Variants in SEMA3A observed in about 807,000 individuals in gnomAD.
SEMA3A encodes the protein semaphorin 3A, also known as semaphorin-3A.
SEMA3A carries 29 observed loss-of-function variants against 97.9 expected under a neutral mutation model. That is an observed-to-expected ratio of 0.30 (90% confidence interval 0.22 to 0.40). The LOEUF is 0.40. SEMA3A is among the 10% of genes least tolerant of loss of function. The pLI is 1.00. For missense variants in SEMA3A, 763 were observed against 951.3 expected, an observed-to-expected ratio of 0.80 and a Z score of 2.60; for synonymous variants, 321 against 323.7, an observed-to-expected ratio of 0.99 and a Z score of 0.09.
intron 1 of SEMA3A, among the ~76,000 whole-genome samples, chr7:84,475,110 G>A (rs1024404535): frequency 2.0e-5 from 3 of 152,104 alleles, no homozygotes; most frequent in Non-Finnish European, 4.4e-5. Flanking sequence ...GGTCCCAGGA[G>A]TGCAGGGGCT....
intron 3 of SEMA3A, among the ~76,000 whole-genome samples, chr7:84,121,389 T>C (rs1456113415): frequency 6.9e-6 from 1 of 145,376 alleles, no homozygotes; most frequent in Admixed American, 7.0e-5. Flanking sequence ...GGCCCCAGTG[T>C]GTGATGTTTC....
At chr7:84,233,273 G>A (rs1799157226) in intron 3 of SEMA3A, among the ~76,000 whole-genome samples, 1 of 151,898 alleles carries the variant, frequency 6.6e-6, no homozygotes. Flanking sequence ...CTCTAGCAGA[G>A]CAGAAACACT....
chr7:84,030,812 A>G (rs543979223), intron 6 of SEMA3A, among the ~76,000 whole-genome samples: 5 of 152,144 alleles, frequency 3.3e-5, no homozygotes, highest in Non-Finnish European at 7.4e-5. Context: ...TGATCAGAAA[A>G]ACAATGATTT....
At chr7:84,005,875 G>A (rs1471107161) in intron 10 of SEMA3A, among the ~76,000 whole-genome samples, 1 of 152,102 alleles carries the variant, frequency 6.6e-6, no homozygotes, top group Non-Finnish European at 1.5e-5. Flanking sequence ...CTTGAACCTG[G>A]GAGGTGGAGG....
intron 1 of SEMA3A, among the ~76,000 whole-genome samples, chr7:84,403,353 G>C (rs1329277379): frequency 6.6e-6 from 1 of 152,228 alleles, no homozygotes. Flanking sequence ...TGGGGGAGGG[G>C]CACCTGCCAT....
At chr7:84,385,124 A>G (rs1215948789) in intron 1 of SEMA3A, among the ~76,000 whole-genome samples, 1 of 151,992 alleles carries the variant, frequency 6.6e-6, no homozygotes, top group Non-Finnish European at 1.5e-5. Context: ...GGGGGAACAG[A>G]CACAGAACAG....
At chr7:84,244,616 T>G (rs1241730400) in intron 3 of SEMA3A, among the ~76,000 whole-genome samples, 1 of 152,156 alleles carries the variant, frequency 6.6e-6, no homozygotes, top group Non-Finnish European at 1.5e-5. Context: ...ACGTGTGAAT[T>G]TAATCCTGTC....
chr7:84,151,854 A>G (rs1370704519), intron 1 of SEMA3A, among the ~76,000 whole-genome samples: 3 of 152,192 alleles, frequency 2.0e-5, no homozygotes, highest in African/African-American at 7.2e-5. Context: ...TACAAGAAAA[A>G]AACAACCCCA....
chr7:84,249,932 T>TA (rs1491125282), intron 3 of SEMA3A, among the ~76,000 whole-genome samples: 2 of 87,216 alleles, frequency 2.3e-5, no homozygotes, highest in Non-Finnish European at 4.8e-5. Flanking sequence ...TTGCATCCTG[T>TA]TTTTTTTTTT....
intron 1 of SEMA3A, among the ~76,000 whole-genome samples, chr7:84,388,301 C>A (rs1803452104): frequency 6.6e-6 from 1 of 151,948 alleles, no homozygotes; most frequent in African/African-American, 2.4e-5. Flanking sequence ...GTTAAGTAAC[C>A]ATAACCATAA....
chr7:84,214,066 T>C (rs1798690375), intron 3 of SEMA3A, among the ~76,000 whole-genome samples: 1 of 152,230 alleles, frequency 6.6e-6, no homozygotes, highest in Admixed American at 6.5e-5. Flanking sequence ...AACATTGCAA[T>C]TGATTTCATG....
At chr7:84,074,292 A>G (rs1793859041) in intron 4 of SEMA3A, among the ~76,000 whole-genome samples, 2 of 152,184 alleles carry the variant, frequency 1.3e-5, no homozygotes, top group Admixed American at 1.3e-4. Flanking sequence ...TCAAAAGAAT[A>G]TGAAAGCAAT....
Position 83,993,386 on chromosome 7 carries a change from A to G in SEMA3A, c.1453-7909T>C, listed in dbSNP as rs572748727. Among the ~76,000 whole-genome samples, 72 of 151,480 alleles carry G rather than the reference A, an allele frequency of 4.8e-4. 1 individual carries two copies. The highest frequency in any genetic ancestry group is 8.7e-4 in the Non-Finnish European group (59 of 67,964). On this transcript the variant is annotated intron_variant, in intron 12 of 16. Transcript: ENST00000265362. ...ATGTTACCTGGTTATTTTGCTCGTTAGTTGATGCAGTTTCTTCCTAGTCTT... is the reference window on the plus strand; with the variant it reads ...ATGTTACCTGGTTATTTTGCTCGTTGGTTGATGCAGTTTCTTCCTAGTCTT...
intron 1 of SEMA3A, among the ~76,000 whole-genome samples, chr7:84,135,292 G>T (rs1796092488): frequency 6.6e-6 from 1 of 151,792 alleles, no homozygotes; most frequent in African/African-American, 2.4e-5. Flanking sequence ...TGTGTTTTTA[G>T]TAGAGATGGG....
At chr7:84,427,835 A>G (rs1804869122) in intron 1 of SEMA3A, among the ~76,000 whole-genome samples, 1 of 151,972 alleles carries the variant, frequency 6.6e-6, no homozygotes, top group Non-Finnish European at 1.5e-5. Flanking sequence ...TTTGATAGCA[A>G]GTACATAAAA....
upstream of SEMA3A, chr7:84,194,834 A>G (rs1798169100): frequency 3.2e-6 from 1 of 309,004 alleles, no homozygotes; most frequent in African/African-American, 2.2e-5. Flanking sequence ...GGCACCGGAT[A>G]ATGAGGCACA....
At chr7:84,197,288 G>T (rs932786865), upstream of SEMA3A, among the ~76,000 whole-genome samples, 3 of 151,974 alleles carry the variant, frequency 2.0e-5, no homozygotes, top group Non-Finnish European at 4.4e-5. Flanking sequence ...ATGTTTAAAA[G>T]TTTCATAGGT....
chr7:84,210,435 T>C (rs1017679592), intron 3 of SEMA3A, among the ~76,000 whole-genome samples: 13 of 151,856 alleles, frequency 8.6e-5, no homozygotes, highest in Non-Finnish European at 1.5e-5. Context: ...AGCCATAAAA[T>C]AGGAGAGCGT....
intron 3 of SEMA3A, among the ~76,000 whole-genome samples, chr7:84,204,165 AT>A (rs908977461): frequency 6.6e-6 from 1 of 152,052 alleles, no homozygotes; most frequent in East Asian, 1.9e-4. Flanking sequence ...GTAATATTCT[AT>A]TTTTTTAATT....
Sources: allele counts gnomAD v4.1 joint callset (sites outside exome capture counted in the v4.1 genomes callset), GRCh38; gene constraint gnomAD v4.1.1; transcripts MANE v1.5; gene names NCBI Gene and HGNC (gene_info 2026-07-23, HGNC 2026-07-21).